Variants in CDH4 observed in about 807,000 individuals in gnomAD.
CDH4 encodes cadherin-4.
CDH4 carries 33 observed loss-of-function variants against 86.0 expected under a neutral mutation model. The observed-to-expected ratio is 0.38, with a 90% CI of 0.29 to 0.51. The LOEUF is 0.51. CDH4 is among the 20% of genes least tolerant of loss of function. The pLI, the probability that CDH4 is intolerant of heterozygous loss-of-function variation, is 0.86. For missense variants in CDH4, 1,114 were observed against 1,307.4 expected, an observed-to-expected ratio of 0.85 and a Z score of 2.28; for synonymous variants, 555 against 549.4, an observed-to-expected ratio of 1.01 and a Z score of -0.14.
intron 2 of CDH4, among the ~76,000 whole-genome samples, chr20:61,375,499 TTGG>T (rs1012141475): frequency 2.7e-5 from 4 of 150,900 alleles, no homozygotes; most frequent in Admixed American, 6.6e-5. Context: ...TGTGATTGTC[TTGG>T]TGGTGGTGAT....
At chr20:61,849,266 C>A (rs1223134969) in intron 5 of CDH4, among the ~76,000 whole-genome samples, 1 of 152,128 alleles carries the variant, frequency 6.6e-6, no homozygotes, top group Non-Finnish European at 1.5e-5. Context: ...CCTCATCAGA[C>A]TCCAGTGTGA....
At chr20:61,402,385 G>A (rs2085054369) in intron 2 of CDH4, among the ~76,000 whole-genome samples, 1 of 151,134 alleles carries the variant, frequency 6.6e-6, no homozygotes, top group Non-Finnish European at 1.5e-5. Flanking sequence ...GTTCAGTACA[G>A]ATGCAGTTTT....
chr20:61,913,912 G>A (rs764974073), intron 9 of CDH4, among the ~76,000 whole-genome samples: 4 of 152,168 alleles, frequency 2.6e-5, no homozygotes, highest in Non-Finnish European at 5.9e-5. Context: ...TTTGTGCCAC[G>A]TCCCTTCCCC....
chr20:61,576,725 C>T (rs370228705), intron 2 of CDH4, among the ~76,000 whole-genome samples: 2 of 152,176 alleles, frequency 1.3e-5, no homozygotes, highest in Non-Finnish European at 2.9e-5. Context: ...CCAGGAGAAG[C>T]GTGTTCACCC....
chr20:61,515,855 GCT>G (rs1445000963), intron 2 of CDH4, among the ~76,000 whole-genome samples: 3 of 152,006 alleles, frequency 2.0e-5, no homozygotes, highest in Non-Finnish European at 4.4e-5. Flanking sequence ...TTGTTCTCTC[GCT>G]CTTTCTCATT....
intron 2 of CDH4, among the ~76,000 whole-genome samples, chr20:61,692,534 C>T (rs1035671087): frequency 6.6e-6 from 1 of 152,180 alleles, no homozygotes; most frequent in Non-Finnish European, 1.5e-5. Context: ...TCTTAAATCA[C>T]GTGAATTTGC....
At chr20:61,903,500 G>A (rs775648126) in intron 8 of CDH4, among the ~76,000 whole-genome samples, 5 of 118,726 alleles carry the variant, frequency 4.2e-5, no homozygotes, top group Non-Finnish European at 6.4e-5. Context: ...AGCCAAGATC[G>A]AGCAATTGCA....
intron 2 of CDH4, among the ~76,000 whole-genome samples, chr20:61,261,944 A>G (rs540957164): frequency 1.3e-5 from 2 of 152,320 alleles, no homozygotes; most frequent in South Asian, 4.1e-4. Context: ...TTCAATTCTG[A>G]GCATGCAGCG....
chr20:61,589,662 C>T (rs1187431178), intron 2 of CDH4, among the ~76,000 whole-genome samples: 1 of 152,074 alleles, frequency 6.6e-6, no homozygotes, highest in Non-Finnish European at 1.5e-5. Context: ...CATTGAAAGA[C>T]AAGGTTCATA....
intron 7 of CDH4, among the ~76,000 whole-genome samples, chr20:61,886,124 G>A (rs1984528648): frequency 6.6e-6 from 1 of 152,214 alleles, no homozygotes; most frequent in South Asian, 2.1e-4. Flanking sequence ...AGAGCAGGTG[G>A]GGGAGGCGTG....
intron 2 of CDH4, among the ~76,000 whole-genome samples, chr20:61,562,497 GAC>G (rs760642523): frequency 7.9e-5 from 12 of 152,188 alleles, no homozygotes; most frequent in Non-Finnish European, 1.8e-4. Context: ...TCATCTTCAG[GAC>G]AGTCATTGCC....
chr20:61,926,464 T>G (rs3787419), intron 11 of CDH4, among the ~76,000 whole-genome samples: 69,469 of 152,090 alleles, frequency 0.46, 18,063 homozygotes, highest in East Asian at 0.84. Flanking sequence ...GAGCCCGGGC[T>G]GTGTAGCTGT....
Position 61,596,916 on chromosome 20 carries a change from A to C in CDH4, c.170-146647A>C, listed in dbSNP as rs554780307. On this transcript the variant is annotated intron_variant, in intron 2 of 15. Coordinates refer to ENST00000614565, the MANE Select transcript of CDH4 (RefSeq NM_001794.5). ...ATGCCTCACATGCATAAAGTGAAAC[A>C]CATTGACTCACAGAAGCAAATAATC... Among the ~76,000 whole-genome samples the C allele has an allele frequency of 7.9e-5, 12 of 152,324 alleles. No homozygotes were observed. The South Asian group carries it at 2.5e-3, about 32-fold the overall frequency.
chr20:61,813,073 C>T (rs1980521434), intron 4 of CDH4, among the ~76,000 whole-genome samples: 1 of 152,230 alleles, frequency 6.6e-6, no homozygotes, highest in South Asian at 2.1e-4. Flanking sequence ...CGCTGCCTTC[C>T]TTTTCAAACA....
intron 4 of CDH4, among the ~76,000 whole-genome samples, chr20:61,774,359 C>T (rs1277028458): frequency 6.6e-6 from 1 of 152,232 alleles, no homozygotes; most frequent in African/African-American, 2.4e-5. Flanking sequence ...GCCCACTGGG[C>T]AACCTCCCGC....
At chr20:61,597,349 G>A (rs1268054837) in intron 2 of CDH4, among the ~76,000 whole-genome samples, 2 of 152,168 alleles carry the variant, frequency 1.3e-5, no homozygotes, top group Non-Finnish European at 2.9e-5. Context: ...TGGCATCTTT[G>A]CAAGCCCCGC....
Position 61,518,983 on chromosome 20 carries a change from T to TCATCCTTC in CDH4, c.170-224575_170-224574insTTCCATCC, listed in dbSNP as rs2085847933. The stretch of plus-strand genomic sequence containing the variant: ...CATTATTTATCCATCCATCCATCCT[T>TCATCCTTC]CATCCATCCATTCATCCATGCATTC... On this transcript the variant is annotated intron_variant, in intron 2 of 15. Transcript: ENST00000614565. The surrounding 1 kb of genome is among the most constrained non-coding windows in gnomAD (Gnocchi z 6.3). Among the ~76,000 whole-genome samples, 3 of 152,034 alleles carry TCATCCTTC rather than the reference T, an allele frequency of 2.0e-5. No homozygotes were observed. Among genetic ancestry groups the TCATCCTTC allele is most frequent in the African/African-American group, 7.3e-5 (3 of 41,328 alleles).
intron 2 of CDH4, among the ~76,000 whole-genome samples, chr20:61,629,542 A>G (rs995080901): frequency 6.6e-6 from 1 of 152,202 alleles, no homozygotes; most frequent in Non-Finnish European, 1.5e-5. Context: ...TTAATTATTG[A>G]TATTTCTTTT....
chr20:61,453,986 A>G (rs2085393812), intron 2 of CDH4, among the ~76,000 whole-genome samples: 1 of 152,168 alleles, frequency 6.6e-6, no homozygotes, highest in African/African-American at 2.4e-5. Flanking sequence ...CCCTTCTGCC[A>G]TGGTTGTAAG....
Sources: gnomAD v4.1 joint callset for allele counts (sites outside exome capture counted in the v4.1 genomes callset) on GRCh38, gnomAD v4.1.1 for gene constraint, Gnocchi (gnomAD v3.1) non-coding constraint, MANE v1.5 for transcripts, NCBI Gene and HGNC (gene_info 2026-07-23, HGNC 2026-07-21) for gene names.